DMD: variants seen among roughly 807,000 people sequenced by gnomAD.
DMD encodes the protein mutant dystrophin.
In DMD, 63 loss-of-function variants were observed where a neutral mutation model predicts 330.1. The ratio of observed to expected loss-of-function variants is 0.19; its 90% CI spans 0.16 to 0.24. The LOEUF is 0.24. Among genes scored for constraint, DMD ranks in the 10% least tolerant of loss-of-function variants. The pLI, the probability that DMD is intolerant of heterozygous loss-of-function variation, is 1.00. For missense variants in DMD, 3,344 were observed against 2,684.1 expected (o/e 1.25, Z -5.43); for synonymous variants, 1,223 against 959.8 (o/e 1.27, Z -5.07).
intron 9 of DMD, among the ~76,000 whole-genome samples, chrX:32,670,681 A>T (rs2061577961): frequency 8.9e-6 from 1 of 112,450 alleles, no homozygotes; most frequent in Admixed American, 9.5e-5. Context: ...AATTTTAAGA[A>T]AGTAAGCAAC....
chrX:33,129,325 C>CT (rs58505662), intron 1 of DMD, among the ~76,000 whole-genome samples: 3,127 of 30,355 alleles, frequency 0.1, 912 homozygotes, highest in East Asian at 0.28. Context: ...TTAAGGTTTG[C>CT]TTTTTTTTTT....
At chrX:32,565,562 A>C (rs1185042957) in intron 16 of DMD, 140 bp downstream of exon 16, 4 of 592,462 alleles carry the variant, frequency 6.8e-6, no homozygotes, top group Non-Finnish European at 1.1e-5. Context: ...GACAGGCAAA[A>C]GAATCATGTT....
At chrX:31,394,936 G>GGGGAGAGAGAGAGAGAGA (rs1196348642) in intron 60 of DMD, among the ~76,000 whole-genome samples, 1 of 30,376 alleles carries the variant, frequency 3.3e-5, no homozygotes, top group African/African-American at 1.9e-4. Flanking sequence ...GAGAGAGAAG[G>GGGGAGAGAGAGAGAGAGA]GTGAGAGAGA....
chrX:31,675,765 AATT>A (rs2082044339), intron 53 of DMD, among the ~76,000 whole-genome samples: 1 of 112,275 alleles, frequency 8.9e-6, no homozygotes, highest in Non-Finnish European at 1.9e-5. Flanking sequence ...AAGTTAAAAT[AATT>A]ATTAAAAGAT....
At chrX:32,014,623 G>A (rs2095745397) in intron 44 of DMD, among the ~76,000 whole-genome samples, 1 of 111,727 alleles carries the variant, frequency 9.0e-6, no homozygotes, top group African/African-American at 3.3e-5. Flanking sequence ...ACCTCCCAGA[G>A]CTGATGTGAT....
intron 18 of DMD, among the ~76,000 whole-genome samples, chrX:32,506,013 T>A (rs2044579868): frequency 8.9e-6 from 1 of 111,990 alleles, no homozygotes; most frequent in South Asian, 3.7e-4. Flanking sequence ...TTTCTAGAGA[T>A]TAGGAGAGAA....
At chrX:32,603,780 T>C (rs1257008156) in intron 12 of DMD, among the ~76,000 whole-genome samples, 1 of 111,038 alleles carries the variant, frequency 9.0e-6, no homozygotes, top group Non-Finnish European at 1.9e-5. Flanking sequence ...CCTGGATACA[T>C]ATCAACTCCC....
At chrX:31,876,987 C>T (rs1395947817) in intron 47 of DMD, among the ~76,000 whole-genome samples, 1 of 111,000 alleles carries the variant, frequency 9.0e-6, no homozygotes, top group Non-Finnish European at 1.9e-5. Flanking sequence ...ACCAGTGTGT[C>T]ACATAAACAA....
chrX:31,809,250 C>T (rs2092390637), intron 50 of DMD, among the ~76,000 whole-genome samples: 1 of 104,934 alleles, frequency 9.5e-6, no homozygotes, highest in Non-Finnish European at 1.9e-5. Flanking sequence ...AGAGATATAG[C>T]TATCTGTATA....
intron 1 of DMD, among the ~76,000 whole-genome samples, chrX:33,143,297 A>C (rs1308797801): frequency 1.8e-5 from 2 of 111,123 alleles, no homozygotes; most frequent in Non-Finnish European, 3.8e-5. Context: ...TTATTATATT[A>C]TTATCAATAT....
intron 27 of DMD, among the ~76,000 whole-genome samples, chrX:32,446,247 G>C (rs1410497438): frequency 9.0e-6 from 1 of 110,660 alleles, no homozygotes; most frequent in Non-Finnish European, 1.9e-5. Context: ...AGACAAAGTT[G>C]AGTGAAACTG....
At chrX:32,825,658 T>C (rs1320026883) in intron 4 of DMD, among the ~76,000 whole-genome samples, 1 of 112,053 alleles carries the variant, frequency 8.9e-6, no homozygotes, top group African/African-American at 3.2e-5. Context: ...CAAAATGTGG[T>C]ATGTACATAC....
chrX:33,308,912 A>G (rs1370895400), intron 1 of DMD, among the ~76,000 whole-genome samples: 2 of 111,708 alleles, frequency 1.8e-5, no homozygotes, highest in African/African-American at 6.5e-5. Flanking sequence ...GATGAAAGAT[A>G]TTTTGATATA....
intron 54 of DMD, among the ~76,000 whole-genome samples, chrX:31,650,996 T>G (rs1010738925): frequency 6.3e-5 from 7 of 111,607 alleles, no homozygotes; most frequent in Non-Finnish European, 1.3e-4. Context: ...TAGGATGAGG[T>G]GACAATAGGG....
At chrX:31,123,866 G>A (rs1322691724) in intron 78 of DMD, among the ~76,000 whole-genome samples, 2 of 111,296 alleles carry the variant, frequency 1.8e-5, no homozygotes, top group South Asian at 7.5e-4. Flanking sequence ...TCAGCTTATC[G>A]ATAATCACAA....
intron 63 of DMD, among the ~76,000 whole-genome samples, chrX:31,230,445 G>A (rs112725355): frequency 1.8e-5 from 2 of 110,697 alleles, no homozygotes; most frequent in African/African-American, 6.6e-5. Context: ...TCAGGAGTTC[G>A]AGAGCAGCCT....
At chrX:31,617,513 GACAAGAGCGA>G (rs2078268058) in intron 55 of DMD, among the ~76,000 whole-genome samples, 2 of 81,325 alleles carry the variant, frequency 2.5e-5, no homozygotes, top group Admixed American at 3.8e-4. Flanking sequence ...CAGCCTGGGG[GACAAGAGCGA>G]GACTTCGTCT....
chrX:32,267,293 A>C, intron 43 of DMD, among the ~76,000 whole-genome samples: 1 of 112,029 alleles, frequency 8.9e-6, no homozygotes, highest in Non-Finnish European at 1.9e-5. Flanking sequence ...TTTTTCTGTC[A>C]TCTAATTGGG....
intron 1 of DMD, among the ~76,000 whole-genome samples, chrX:33,191,670 C>T (rs1244320972): frequency 3.6e-5 from 4 of 112,015 alleles, no homozygotes; most frequent in African/African-American, 6.5e-5. Flanking sequence ...GTGATCTTCC[C>T]GCCTTGGCCT....
Sources: allele counts gnomAD v4.1 joint callset (sites outside exome capture counted in the v4.1 genomes callset), GRCh38; gene constraint gnomAD v4.1.1; transcripts MANE v1.5; gene names NCBI Gene and HGNC (gene_info 2026-07-23, HGNC 2026-07-21).